Variants in CGB7 observed in about 807,000 individuals in gnomAD.
CGB7 encodes chorionic gonadotropin subunit beta 7, also known as choriogonadotropin subunit beta 7.
In CGB7, 6 loss-of-function variants were observed where a neutral mutation model predicts 7.3. That is an observed-to-expected ratio of 0.82 (90% CI 0.45 to 1.62). The LOEUF (loss-of-function observed/expected upper bound fraction) is 1.62, where lower values mean the gene tolerates loss of function less well. Among genes scored for constraint, CGB7 ranks in the 40% most tolerant of loss-of-function variants. The probability of loss-of-function intolerance (pLI) is 0.01; values close to 1 mark genes in which losing one functional copy is unlikely to be tolerated. For synonymous variants in CGB7, 47 were observed against 100.8 expected (o/e 0.47, Z 3.20); for missense variants, 114 against 236.2 (o/e 0.48, Z 3.39).
rs1045092944 is a variant in CGB7 at position 49,056,248 on chromosome 19, G to A, written c.-873C>T. 5 of 1,289,706 alleles carry A rather than the reference G, an allele frequency of 3.9e-6. No homozygotes were observed. Among genetic ancestry groups the A allele is most frequent in the Non-Finnish European group, 5.1e-6 (5 of 989,050 alleles). 79.9% of individuals were successfully genotyped at this position (1,289,706 alleles called of 1,614,324 possible). A position where few individuals can be genotyped will look rare whatever the true frequency, so the allele number is the denominator to read the frequency against. On this transcript the variant is annotated 5_prime_UTR_variant, in exon 3 of 5. Coordinates refer to ENST00000684222, the MANE Select transcript of CGB7 (RefSeq NM_001385261.1). ...CCCCCACGCCAGGGGGCGTGTCTGG[G>A]GTGGGGCTGGCCCGGCAGGCTCCCA...
chr19:49,057,052 G>A (rs993700244), intron 2 of CGB7, 69 bp downstream of exon 2: 1 of 1,486,124 alleles, frequency 6.7e-7, no homozygotes, highest in Non-Finnish European at 9.1e-7. Flanking sequence ...AGCCAGCCCA[G>A]GGGCTCGGCG....
chr19:49,055,891 C>G lies in CGB7; in HGVS notation c.-516G>C. On this transcript the variant is annotated 5_prime_UTR_variant, in exon 3 of 5. Coordinates refer to ENST00000684222, the MANE Select transcript of CGB7 (RefSeq NM_001385261.1). ...GGAAGCCACTTGACCCAGATGCCCC[C>G]CAACGAGGGATTCAGCCCGAGCCCC... 3 of 1,081,396 alleles carry G rather than the reference C, an allele frequency of 2.8e-6. No individual in the cohort carries two copies. Among genetic ancestry groups the G allele is most frequent in the South Asian group, 2.6e-5 (1 of 38,328 alleles). The allele number at this position is 1,081,396 out of a possible 1,614,324, so 67.0% of individuals were successfully genotyped here. A position where few individuals can be genotyped will look rare whatever the true frequency, so the allele number is the denominator to read the frequency against.
In CGB7 at chr19:49,057,145, G is replaced by T; in HGVS notation, c.-1245C>A. On this transcript the variant is annotated 5_prime_UTR_variant, in exon 2 of 5. Coordinates refer to ENST00000684222, the MANE Select transcript of CGB7 (RefSeq NM_001385261.1). Reference sequence around the variant, plus strand: ...CTTGGGATAGAACCGAAAGTCCCGCGCCGAGGTGGTCAGATAGAGCTGGCG... The same window carrying T: ...CTTGGGATAGAACCGAAAGTCCCGCTCCGAGGTGGTCAGATAGAGCTGGCG... 6.5e-7 allele frequency: 1 copy of T among 1,534,228 alleles called. No homozygotes were observed. Among genetic ancestry groups the T allele is most frequent in the Non-Finnish European group, 8.7e-7 (1 of 1,146,392 alleles).
In CGB7 at chr19:49,056,420, G is replaced by T; in HGVS notation, c.-1045C>A. ...GCGGTCGAGCCGGCGGAGCGGGTGCGGCGAGGAGCTGTAGGTTTCCTGAGC... is the reference window on the plus strand; with the variant it reads ...GCGGTCGAGCCGGCGGAGCGGGTGCTGCGAGGAGCTGTAGGTTTCCTGAGC... On this transcript the variant is annotated 5_prime_UTR_variant, in exon 3 of 5. Coordinates refer to ENST00000684222, the MANE Select transcript of CGB7 (RefSeq NM_001385261.1). 1 of 1,296,876 alleles carries T rather than the reference G, an allele frequency of 7.7e-7. No individual in the cohort carries two copies. The highest frequency in any genetic ancestry group is 1.0e-6 in the Non-Finnish European group (1 of 993,372). 80.3% of individuals were successfully genotyped at this position (1,296,876 alleles called of 1,614,324 possible). A position where few individuals can be genotyped will look rare whatever the true frequency, so the allele number is the denominator to read the frequency against.
chr19:49,057,744 G>A lies in CGB7; in HGVS notation c.-1631C>T. On this transcript the variant is annotated 5_prime_UTR_variant, in exon 1 of 5. In the 5' UTR this introduces an upstream ATG that the reference lacks. Transcript: ENST00000684222. ...CAGCCCCTGGTCCTTCTGGCCTGGC[G>A]TGGATGCCCAGCCCTTCCTCCCGCT... The A allele has an allele frequency of 7.5e-7, 1 of 1,334,328 alleles. No homozygotes were observed. The highest frequency in any genetic ancestry group is 1.8e-5 in the South Asian group (1 of 55,764). 82.7% of individuals were successfully genotyped at this position (1,334,328 alleles called of 1,614,324 possible).
Position 49,056,422 on chromosome 19 carries a change from C to A in CGB7, c.-1047G>T. 7.7e-7 allele frequency: 1 copy of A among 1,297,002 alleles called. No individual in the cohort carries two copies. The highest frequency in any genetic ancestry group is 1.0e-6 in the Non-Finnish European group (1 of 993,476). The allele number at this position is 1,297,002 out of a possible 1,614,324, so 80.3% of individuals were successfully genotyped here. A position where few individuals can be genotyped will look rare whatever the true frequency, so the allele number is the denominator to read the frequency against. On this transcript the variant is annotated 5_prime_UTR_variant, in exon 3 of 5. Transcript: ENST00000684222. The stretch of plus-strand genomic sequence containing the variant: ...GGTCGAGCCGGCGGAGCGGGTGCGG[C>A]GAGGAGCTGTAGGTTTCCTGAGCCG...
chr19:49,056,361 G>T lies in CGB7; in HGVS notation c.-986C>A, dbSNP rs1451534898. ...TGTATGCCCGGCAGGGGCTTCCAGTGGGGGCCACCCCAAGTCGCCTCCAGC... is the reference window on the plus strand; with the variant it reads ...TGTATGCCCGGCAGGGGCTTCCAGTTGGGGCCACCCCAAGTCGCCTCCAGC... On this transcript the variant is annotated 5_prime_UTR_variant, in exon 3 of 5. Coordinates refer to ENST00000684222, the MANE Select transcript of CGB7 (RefSeq NM_001385261.1). The T allele has an allele frequency of 7.7e-7, 1 of 1,295,752 alleles. No homozygotes were observed. The highest frequency in any genetic ancestry group is 1.0e-6 in the Non-Finnish European group (1 of 992,546). The allele number at this position is 1,295,752 out of a possible 1,614,324, so 80.3% of individuals were successfully genotyped here. A position where few individuals can be genotyped will look rare whatever the true frequency, so the allele number is the denominator to read the frequency against.
Position 49,057,111 on chromosome 19 carries a change from C to T in CGB7, c.-1221+10G>A. On this transcript the variant is annotated intron_variant, in intron 2 of 4. Transcript: ENST00000684222. ...TGCAGGAGGCGGTGCCGAGCGAGAGCCCGGCTTACTTGGGATAGAACCGAA... is the reference window on the plus strand; with the variant it reads ...TGCAGGAGGCGGTGCCGAGCGAGAGTCCGGCTTACTTGGGATAGAACCGAA... The T allele has an allele frequency of 6.5e-7, 1 of 1,533,320 alleles. No homozygotes were observed. Among genetic ancestry groups the T allele is most frequent in the Non-Finnish European group, 8.7e-7 (1 of 1,146,072 alleles). 95.0% of individuals were successfully genotyped at this position (1,533,320 alleles called of 1,614,324 possible). A position where few individuals can be genotyped will look rare whatever the true frequency, so the allele number is the denominator to read the frequency against.
intron 3 of CGB7, 152 bp from the exon 4 acceptor site, chr19:49,055,160 G>A: frequency 6.4e-7 from 1 of 1,557,732 alleles, no homozygotes. Flanking sequence ...GCCTTTCAGA[G>A]CCCACCCCAC....
In CGB7 at chr19:49,055,884, A is replaced by T; in HGVS notation, c.-509T>A. 1 of 1,030,032 alleles carries T rather than the reference A, an allele frequency of 9.7e-7. No individual in the cohort carries two copies. The highest frequency in any genetic ancestry group is 1.7e-5 in the African/African-American group (1 of 57,670). The allele number at this position is 1,030,032 out of a possible 1,614,324, so 63.8% of individuals were successfully genotyped here. On this transcript the variant is annotated 5_prime_UTR_variant, in exon 3 of 5. Coordinates refer to ENST00000684222, the MANE Select transcript of CGB7 (RefSeq NM_001385261.1). ...CTGCCAGGGAAGCCACTTGACCCAG[A>T]TGCCCCCCAACGAGGGATTCAGCCC... is the stretch of plus-strand genomic sequence containing the variant.
Position 49,057,488 on chromosome 19 carries a change from G to T in CGB7, c.-1375C>A, listed in dbSNP as rs2040081146. The T allele has an allele frequency of 7.9e-7, 1 of 1,260,986 alleles. No individual in the cohort carries two copies. Among genetic ancestry groups the T allele is most frequent in the Non-Finnish European group, 1.0e-6 (1 of 995,738 alleles). 78.1% of individuals were successfully genotyped at this position (1,260,986 alleles called of 1,614,324 possible). A position where few individuals can be genotyped will look rare whatever the true frequency, so the allele number is the denominator to read the frequency against. On this transcript the variant is annotated 5_prime_UTR_variant, in exon 1 of 5. Transcript: ENST00000684222. ...TCCCTAAATCCAAGCCCTCCTGCTG[G>T]TCAAGGAACTCAAATGCAGGCCCCC...
chr19:49,055,131 A>G (rs2040040432), intron 3 of CGB7, 123 bp from the exon 4 acceptor site: 2 of 1,562,712 alleles, frequency 1.3e-6, no homozygotes, highest in Non-Finnish European at 1.7e-6. Context: ...CCTATTCAGG[A>G]CCCACCACCC....
At chr19:49,057,329 T>C in intron 1 of CGB7, 81 bp from the exon 2 acceptor site, 1 of 1,461,238 alleles carries the variant, frequency 6.8e-7, no homozygotes, top group African/African-American at 1.4e-5. Flanking sequence ...GAGTTCAGAA[T>C]CCCTCTCCTT....
chr19:49,055,923 C>G lies in CGB7; in HGVS notation c.-548G>C, dbSNP rs1490680816. ...GGGATTCAGCCCGAGCCCCACCTCT[C>G]CCTTAGGAACCTCCGCCCACCCTAC... On this transcript the variant is annotated 5_prime_UTR_variant, in exon 3 of 5. Coordinates refer to ENST00000684222, the MANE Select transcript of CGB7 (RefSeq NM_001385261.1). 3.6e-6 allele frequency: 4 copies of G among 1,098,216 alleles called. No homozygotes were observed. The East Asian group carries it at 3.0e-4, about 82-fold the overall frequency. The allele number at this position is 1,098,216 out of a possible 1,614,324, so 68.0% of individuals were successfully genotyped here.
At position 49,055,383 on chromosome 19, in the gene CGB7, G is replaced by C. The variant is rs776501699; in HGVS notation, c.-8C>G. 3.7e-6 allele frequency: 6 copies of C among 1,613,456 alleles called. No homozygotes were observed. Among genetic ancestry groups the C allele is most frequent in the Non-Finnish European group, 5.1e-6 (6 of 1,179,774 alleles). ...TACCTGGAACATCTCCATCCTTGGT[G>C]CGTCCCCTGCCTGGTGTACCTGGCT... On this transcript the variant is annotated 5_prime_UTR_variant, in exon 3 of 5. Transcript: ENST00000684222.
At position 49,056,264 on chromosome 19, in the gene CGB7, C is replaced by A; in HGVS notation, c.-889G>T. 2 of 1,290,546 alleles carry A rather than the reference C, an allele frequency of 1.5e-6. No individual in the cohort carries two copies. Among genetic ancestry groups the A allele is most frequent in the African/African-American group, 1.5e-5 (1 of 65,996 alleles). The allele number at this position is 1,290,546 out of a possible 1,614,324, so 79.9% of individuals were successfully genotyped here. ...CGTGTCTGGGGTGGGGCTGGCCCGG[C>A]AGGCTCCCACTAGCCCCGGCTTACA... On this transcript the variant is annotated 5_prime_UTR_variant, in exon 3 of 5. Coordinates refer to ENST00000684222, the MANE Select transcript of CGB7 (RefSeq NM_001385261.1).
chr19:49,055,053 T>C (rs759458037), intron 3 of CGB7, 45 bp from the exon 4 acceptor site: 45 of 1,600,650 alleles, frequency 2.8e-5, no homozygotes, highest in African/African-American at 6.7e-5. Context: ...ACCACAGCCC[T>C]GAGCCCTGGC....
Position 49,055,589 on chromosome 19 carries a change from C to A in CGB7, c.-214G>T. The stretch of plus-strand genomic sequence containing the variant: ...TCTAGCGCCAAGGATGAGGCGGAGA[C>A]CACGGTGAAGTGACCTCTGAGACTC... On this transcript the variant is annotated 5_prime_UTR_variant, in exon 3 of 5. Transcript: ENST00000684222. 6.8e-7 allele frequency: 1 copy of A among 1,475,648 alleles called. No individual in the cohort carries two copies. The highest frequency in any genetic ancestry group is 9.0e-7 in the Non-Finnish European group (1 of 1,114,944). 91.4% of individuals were successfully genotyped at this position (1,475,648 alleles called of 1,614,324 possible). A position where few individuals can be genotyped will look rare whatever the true frequency, so the allele number is the denominator to read the frequency against.
Position 49,055,585 on chromosome 19 carries a change from G to T in CGB7, c.-210C>A. On this transcript the variant is annotated 5_prime_UTR_variant, in exon 3 of 5. Coordinates refer to ENST00000684222, the MANE Select transcript of CGB7 (RefSeq NM_001385261.1). ...GTGGTCTAGCGCCAAGGATGAGGCG[G>T]AGACCACGGTGAAGTGACCTCTGAG... is the stretch of plus-strand genomic sequence containing the variant. The T allele has an allele frequency of 6.7e-7, 1 of 1,483,806 alleles. No homozygotes were observed. 91.9% of individuals were successfully genotyped at this position (1,483,806 alleles called of 1,614,324 possible).
Sources: allele counts gnomAD v4.1 joint callset, GRCh38; gene constraint gnomAD v4.1.1; transcripts MANE v1.5; gene names NCBI Gene and HGNC (gene_info 2026-07-23, HGNC 2026-07-21).